Variants in SLC12A7 observed in about 807,000 individuals in gnomAD.
SLC12A7 encodes K-Cl cotransporter 4.
A neutral mutation model predicts 120.6 loss-of-function variants in SLC12A7; 100 were observed. The ratio of observed to expected loss-of-function variants is 0.83; its 90% CI spans 0.71 to 0.98. SLC12A7 has a LOEUF of 0.98. Among genes scored for constraint, SLC12A7 ranks in the 50% least tolerant of loss-of-function variants. SLC12A7 has a pLI of 0.00. For missense variants in SLC12A7, 1,373 were observed against 1,548.1 expected, an observed-to-expected ratio of 0.89 and a Z score of 1.90; for synonymous variants, 760 against 678.0, an observed-to-expected ratio of 1.12 and a Z score of -1.88.
At chr5:1,136,405 C>G in the SLC12A7 span, among the ~76,000 whole-genome samples, 1 of 146,232 alleles carries the variant, frequency 6.8e-6, no homozygotes, top group Non-Finnish European at 1.5e-5. Context: ...CAGACACCAA[C>G]ACCAGGACAC....
upstream of SLC12A7, among the ~76,000 whole-genome samples, chr5:1,112,327 T>G (rs1579452668): frequency 1.4e-4 from 1 of 7,240 alleles, no homozygotes; most frequent in Non-Finnish European, 2.4e-4. Context: ...CTGCTGGAAC[T>G]CCCCGCCCTC....
intron 3 of SLC12A7, among the ~76,000 whole-genome samples, chr5:1,093,161 C>T (rs901737801): frequency 6.6e-5 from 10 of 152,272 alleles, no homozygotes; most frequent in South Asian, 6.2e-4. Flanking sequence ...CTGGGAGCAC[C>T]GAGGCCACAG....
chr5:1,097,779 T>C (rs1288785997), intron 1 of SLC12A7, among the ~76,000 whole-genome samples: 6 of 152,146 alleles, frequency 3.9e-5, no homozygotes, highest in African/African-American at 1.4e-4. Context: ...GCCACCAGCA[T>C]GTTGTCACCA....
At chr5:1,117,155 G>A in the SLC12A7 span, among the ~76,000 whole-genome samples, 9,439 of 152,132 alleles carry the variant, frequency 0.062, 419 homozygotes, top group South Asian at 0.12. This position sits in a 1 kb window ranked among gnomAD's most constrained non-coding sequence, Gnocchi z 4.5. Context: ...GGTGGGGAGC[G>A]TACTGCGAGG....
chr5:1,095,016 T>A (rs111928423), intron 1 of SLC12A7, among the ~76,000 whole-genome samples: 4 of 75,088 alleles, frequency 5.3e-5, no homozygotes, highest in Non-Finnish European at 7.0e-5. Context: ...CGGTAGGAGG[T>A]GGGGGCGGTA....
chr5:1,137,589 C>T, the SLC12A7 span, among the ~76,000 whole-genome samples: 4 of 152,336 alleles, frequency 2.6e-5, no homozygotes, highest in African/African-American at 7.2e-5. Context: ...TGAATGACCC[C>T]GTTCCCCTCC....
the SLC12A7 span, among the ~76,000 whole-genome samples, chr5:1,149,891 A>G: frequency 6.6e-6 from 1 of 151,876 alleles, no homozygotes; most frequent in African/African-American, 2.4e-5. Context: ...TTAGCTGGGC[A>G]TGGTGGTGCA....
chr5:1,092,218 T>A (rs1740603431), intron 3 of SLC12A7, among the ~76,000 whole-genome samples: 1 of 152,246 alleles, frequency 6.6e-6, no homozygotes, highest in Admixed American at 6.5e-5. Context: ...GAAAGAGACA[T>A]CTTGAGCGGC....
At chr5:1,088,937 G>A (rs764782019) in intron 4 of SLC12A7, 45 bp downstream of exon 4, 5 of 1,609,800 alleles carry the variant, frequency 3.1e-6, no homozygotes, top group Non-Finnish European at 4.2e-6. Flanking sequence ...CTGTCCAGCT[G>A]CCACCGCCCG....
chr5:1,075,336 G>A (rs371350175), intron 15 of SLC12A7, 35 bp downstream of exon 15: 27 of 1,597,216 alleles, frequency 1.7e-5, no homozygotes, highest in Non-Finnish European at 2.6e-6. Context: ...GCCCTCCCGT[G>A]CGCCGGGTCT....
chr5:1,083,715 C>T lies in SLC12A7; in HGVS notation c.1129+30G>A, dbSNP rs759894821. 4 of 1,607,128 alleles carry T rather than the reference C, an allele frequency of 2.5e-6. No individual in the cohort carries two copies. In the African/African-American group the frequency reaches 5.3e-5, roughly 21 times the overall value. ...AGCGCCTGCTGCCCCCGCCACCCCC[C>T]AGCTCCAGCTGCAGCCCTGTGAGCC... On this transcript the variant is annotated intron_variant, in intron 8 of 23. Transcript: ENST00000264930.
At chr5:1,087,184 G>A in intron 5 of SLC12A7, 151 bp from the exon 6 acceptor site, 1 of 1,084,630 alleles carries the variant, frequency 9.2e-7, no homozygotes, top group Non-Finnish European at 1.3e-6. Flanking sequence ...AGCACATGGA[G>A]ACGCTTCCAC....
intron 1 of SLC12A7, 101 bp downstream of exon 1, chr5:1,111,767 T>C: frequency 1.8e-6 from 2 of 1,122,604 alleles, no homozygotes; most frequent in Non-Finnish European, 2.2e-6. Flanking sequence ...GGGCGCCTCC[T>C]GTACCCCCGG....
intron 18 of SLC12A7, among the ~76,000 whole-genome samples, chr5:1,064,859 C>CGAGGAGATGGG (rs1554012897): frequency 2.5e-5 from 1 of 40,412 alleles, no homozygotes. Context: ...GAGGAGACGG[C>CGAGGAGATGGG]GAGGGGACAG....
At chr5:1,107,382 G>C (rs943779863) in intron 1 of SLC12A7, among the ~76,000 whole-genome samples, 2 of 152,198 alleles carry the variant, frequency 1.3e-5, no homozygotes, top group Non-Finnish European at 2.9e-5. Context: ...CAGGTCCAGG[G>C]AGCTGTGTAG....
intron 1 of SLC12A7, among the ~76,000 whole-genome samples, chr5:1,095,607 G>A (rs1579416974): frequency 6.6e-6 from 1 of 152,338 alleles, no homozygotes; most frequent in Admixed American, 6.5e-5. Context: ...CAGAAGAAAC[G>A]GTCAAGGCAG....
At chr5:1,076,406 AGGT>A (rs1272118181) in intron 13 of SLC12A7, among the ~76,000 whole-genome samples, 170 bp from the exon 14 acceptor site, 6 of 151,352 alleles carry the variant, frequency 4.0e-5, no homozygotes, top group Non-Finnish European at 5.9e-5. Flanking sequence ...AGGCCCCCTC[AGGT>A]TCCAGCCATC....
chr5:1,139,456 T>G, the SLC12A7 span, among the ~76,000 whole-genome samples: 1 of 152,214 alleles, frequency 6.6e-6, no homozygotes, highest in Non-Finnish European at 1.5e-5. Flanking sequence ...TTCTGGGAGC[T>G]GGGGCGGTTG....
At chr5:1,146,046 G>T in the SLC12A7 span, among the ~76,000 whole-genome samples, 1 of 152,036 alleles carries the variant, frequency 6.6e-6, no homozygotes, top group Non-Finnish European at 1.5e-5. This position sits in a 1 kb window ranked among gnomAD's most constrained non-coding sequence, Gnocchi z 6.5. Context: ...GGCAGTCCCC[G>T]TTCTGCCTCC....
Sources: gnomAD v4.1 joint callset for allele counts (sites outside exome capture counted in the v4.1 genomes callset) on GRCh38, gnomAD v4.1.1 for gene constraint, Gnocchi (gnomAD v3.1) non-coding constraint, MANE v1.5 for transcripts, NCBI Gene and HGNC (gene_info 2026-07-23, HGNC 2026-07-21) for gene names.